Variants in TSHZ3 observed in about 807,000 individuals in gnomAD.
TSHZ3 encodes teashirt zinc finger homeobox 3.
In TSHZ3, 10 loss-of-function variants were observed where a neutral mutation model predicts 64.5. The observed-to-expected ratio is 0.16, with a 90% CI of 0.10 to 0.26. The LOEUF (loss-of-function observed/expected upper bound fraction) is 0.26. Among genes scored for constraint, TSHZ3 ranks in the 10% least tolerant of loss-of-function variants. TSHZ3 has a pLI of 1.00. For synonymous variants in TSHZ3, 608 were observed against 593.1 expected (o/e 1.03, Z -0.36); for missense variants, 1,242 against 1,421.7 (o/e 0.87, Z 2.03).
chr19:31,288,725 G>A (rs538139857), intron 1 of TSHZ3, among the ~76,000 whole-genome samples: 1 of 152,262 alleles, frequency 6.6e-6, no homozygotes, highest in Non-Finnish European at 1.5e-5. Flanking sequence ...TCTTTTTTTA[G>A]AGTTGGGGTC....
At chr19:31,321,787 A>G (rs547883398) in intron 1 of TSHZ3, among the ~76,000 whole-genome samples, 6 of 152,014 alleles carry the variant, frequency 3.9e-5, no homozygotes, top group South Asian at 2.1e-4. Flanking sequence ...ATATTTTTAT[A>G]TATATTATGT....
chr19:31,201,839 C>A (rs1975091410), intron 5 of TSHZ3, among the ~76,000 whole-genome samples: 2 of 152,078 alleles, frequency 1.3e-5, no homozygotes, highest in South Asian at 4.2e-4. Context: ...ATGGAAATAT[C>A]ATCTATTGCC....
intron 1 of TSHZ3, among the ~76,000 whole-genome samples, chr19:31,290,872 C>T (rs1284755497): frequency 1.3e-5 from 2 of 152,160 alleles, no homozygotes; most frequent in South Asian, 2.1e-4. Flanking sequence ...ATGACAACCT[C>T]CCCTAGATTG....
intron 1 of TSHZ3, among the ~76,000 whole-genome samples, chr19:31,337,283 A>G (rs1917277027): frequency 6.6e-6 from 1 of 152,178 alleles, no homozygotes; most frequent in Admixed American, 6.5e-5. Flanking sequence ...AACTGAGAAA[A>G]GGGGATAAGA....
rs768951623 is a variant in TSHZ3 at position 31,279,132 on chromosome 19, C to A, written c.661G>T (p.Ala221Ser). The A allele has an allele frequency of 1.9e-6, 3 of 1,613,466 alleles. No homozygotes were observed. The highest frequency in any genetic ancestry group is 8.5e-7 in the Non-Finnish European group (1 of 1,179,538). ...AACTCCACCAGGGTGTCGTAGGCAG[C>A]GCTGCAGTCCTTACAGCGGAACTTG... Reference protein sequence around the residue: ...ASKFRCKDCSAAYDTLVELTV... With the variant: ...ASKFRCKDCSSAYDTLVELTV... The change falls in exon 2 of 2, where the codon GCT becomes TCT. Residue 221 changes from alanine (A) to serine (S), a missense_variant. Ala to Ser is a moderately conservative substitution (Grantham distance 99). This residue lies in a region of TSHZ3 where 555 missense variants were observed against 704.0 expected (regional missense o/e 0.79). Transcript: ENST00000240587. This position sits in a 1 kb window ranked among gnomAD's most constrained non-coding sequence, Gnocchi z 6.4.
chr19:31,233,249 CTG>C lies in TSHZ3; in HGVS notation n.551-5111_551-5110del, dbSNP rs1436484172. ...CTTAACAATGCTTGGTCTTGTCAGTCTGTTTAATTTTAGTCTTTTAGTCAGTT... is the reference window on the plus strand; with the variant it reads ...CTTAACAATGCTTGGTCTTGTCAGTCTTTAATTTTAGTCTTTTAGTCAGTT... On this transcript the variant is annotated intron_variant and non_coding_transcript_variant, in intron 3 of 6. Transcript: ENST00000651361. Among the ~76,000 whole-genome samples, 5 of 152,274 alleles carry C rather than the reference CTG, an allele frequency of 3.3e-5. No individual in the cohort carries two copies. In the Middle Eastern group the frequency reaches 0.01, roughly 311 times the overall value.
intron 1 of TSHZ3, among the ~76,000 whole-genome samples, chr19:31,342,580 A>G (rs1469482202): frequency 6.6e-6 from 1 of 152,234 alleles, no homozygotes; most frequent in Non-Finnish European, 1.5e-5. Context: ...TAAATTGTTC[A>G]TTAAAAATTG....
chr19:31,220,133 G>A (rs1031302584), intron 4 of TSHZ3, among the ~76,000 whole-genome samples: 2 of 152,150 alleles, frequency 1.3e-5, no homozygotes, highest in Non-Finnish European at 2.9e-5. Context: ...AATAAAAATG[G>A]AGAGATAGAT....
At chr19:31,299,615 G>A (rs530333771) in intron 1 of TSHZ3, among the ~76,000 whole-genome samples, 101 of 152,302 alleles carry the variant, frequency 6.6e-4, no homozygotes, top group Non-Finnish European at 1.3e-3. Flanking sequence ...GTCGGGCCCT[G>A]GGTCAGCATC....
At chr19:31,310,102 C>T (rs1916415195) in intron 1 of TSHZ3, among the ~76,000 whole-genome samples, 1 of 152,206 alleles carries the variant, frequency 6.6e-6, no homozygotes, top group Non-Finnish European at 1.5e-5. Context: ...TGAGCGACAT[C>T]TCCTTCCCAT....
chr19:31,328,168 C>T (rs1916981757), intron 1 of TSHZ3, among the ~76,000 whole-genome samples: 1 of 152,156 alleles, frequency 6.6e-6, no homozygotes, highest in African/African-American at 2.4e-5. Context: ...TTGCCCAGGC[C>T]CCCAGCTAGA....
At chr19:31,319,387 A>AT (rs1275394353) in intron 1 of TSHZ3, among the ~76,000 whole-genome samples, 1 of 152,174 alleles carries the variant, frequency 6.6e-6, no homozygotes, top group African/African-American at 2.4e-5. Context: ...TTCATCAGTA[A>AT]TTTTTTTTAA....
At chr19:31,220,257 AT>A (rs1279881687) in intron 4 of TSHZ3, among the ~76,000 whole-genome samples, 1 of 152,278 alleles carries the variant, frequency 6.6e-6, no homozygotes, top group African/African-American at 2.4e-5. Flanking sequence ...GCCTGGAAAC[AT>A]TAAATAAAAA....
chr19:31,350,644 C>G (rs2021692676), upstream of TSHZ3, among the ~76,000 whole-genome samples: 1 of 151,600 alleles, frequency 6.6e-6, no homozygotes, highest in East Asian at 2.0e-4. Context: ...GGCTCCGGGC[C>G]GGCCCGGCCG....
At chr19:31,341,012 T>C (rs1303407624) in intron 1 of TSHZ3, among the ~76,000 whole-genome samples, 1 of 152,242 alleles carries the variant, frequency 6.6e-6, no homozygotes, top group Admixed American at 6.5e-5. Flanking sequence ...AGGCACCTTC[T>C]GTTATTTGAT....
intron 5 of TSHZ3, among the ~76,000 whole-genome samples, chr19:31,193,498 G>T (rs1974942821): frequency 2.0e-5 from 3 of 152,104 alleles, no homozygotes; most frequent in Admixed American, 6.6e-5. Flanking sequence ...TTCCAAGCAG[G>T]TCCATGAATT....
At chr19:31,338,146 G>C (rs145097790) in intron 1 of TSHZ3, among the ~76,000 whole-genome samples, 2 of 152,200 alleles carry the variant, frequency 1.3e-5, no homozygotes, top group Non-Finnish European at 2.9e-5. Context: ...CAGGCTGCAA[G>C]GCCTCTTGCA....
intron 5 of TSHZ3, among the ~76,000 whole-genome samples, chr19:31,184,277 C>T (rs1356063761): frequency 6.6e-6 from 1 of 152,152 alleles, no homozygotes; most frequent in Admixed American, 6.5e-5. Context: ...AAATCCAAAG[C>T]ACCAACTTTG....
chr19:31,188,040 A>G (rs906366589), intron 5 of TSHZ3, among the ~76,000 whole-genome samples: 3 of 152,178 alleles, frequency 2.0e-5, no homozygotes, highest in African/African-American at 7.2e-5. Context: ...ATCCATGAAC[A>G]TGGTATATAT....
Sources: gnomAD v4.1 joint callset for allele counts (sites outside exome capture counted in the v4.1 genomes callset) on GRCh38, gnomAD v4.1.1 for gene constraint, gnomAD v4.1.1 regional missense constraint, Gnocchi (gnomAD v3.1) non-coding constraint, MANE v1.5 for transcripts, NCBI Gene and HGNC (gene_info 2026-07-23, HGNC 2026-07-21) for gene names.